The following KIAA1328 variants were observed in gnomAD, a reference collection of about 807,000 sequenced individuals.
The protein encoded by KIAA1328 is protein hinderin.
A neutral mutation model predicts 68.1 loss-of-function variants in KIAA1328; 52 were observed. That is an observed-to-expected ratio of 0.76 (90% confidence interval 0.61 to 0.96). The LOEUF (loss-of-function observed/expected upper bound fraction) is 0.96, where lower values mean the gene tolerates loss of function less well. Among genes scored for constraint, KIAA1328 ranks in the 40% least tolerant of loss-of-function variants. The pLI, the probability that KIAA1328 is intolerant of heterozygous loss-of-function variation, is 0.00. For missense variants in KIAA1328, 641 were observed against 677.6 expected (o/e 0.95, Z 0.60); for synonymous variants, 232 against 239.4 (o/e 0.97, Z 0.28).
chr18:36,929,328 T>C (rs973938672), intron 5 of KIAA1328, among the ~76,000 whole-genome samples: 8 of 152,216 alleles, frequency 5.3e-5, no homozygotes, highest in African/African-American at 1.9e-4. Flanking sequence ...AGGTCATATT[T>C]ATGCTCAGAA....
chr18:37,115,042 A>T (rs1331005370), intron 7 of KIAA1328, among the ~76,000 whole-genome samples: 5 of 152,222 alleles, frequency 3.3e-5, no homozygotes, highest in Non-Finnish European at 7.3e-5. Context: ...AACAAAAAAA[A>T]GTCCAGGACC....
intron 6 of KIAA1328, among the ~76,000 whole-genome samples, chr18:36,981,861 G>A (rs1412777070): frequency 6.6e-6 from 1 of 150,694 alleles, no homozygotes; most frequent in Admixed American, 6.6e-5. Flanking sequence ...CAGAAGTGCT[G>A]GGATTATAGG....
At chr18:37,215,995 T>C (rs1455480063) in intron 9 of KIAA1328, among the ~76,000 whole-genome samples, 1 of 152,206 alleles carries the variant, frequency 6.6e-6, no homozygotes, top group East Asian at 1.9e-4. Context: ...GGTGGTGATA[T>C]CCCCTTTATC....
intron 7 of KIAA1328, among the ~76,000 whole-genome samples, chr18:37,130,143 A>G (rs1467467036): frequency 6.6e-6 from 1 of 152,168 alleles, no homozygotes; most frequent in Non-Finnish European, 1.5e-5. Flanking sequence ...AATATATGGC[A>G]TTGTGAGTTT....
At chr18:37,227,569 G>A (rs2060646526), downstream of KIAA1328, among the ~76,000 whole-genome samples, 1 of 152,150 alleles carries the variant, frequency 6.6e-6, no homozygotes. Flanking sequence ...CTCTATAAAA[G>A]GAACAACAAA....
intron 4 of KIAA1328, among the ~76,000 whole-genome samples, chr18:36,859,321 A>G (rs1425930553): frequency 3.3e-5 from 5 of 149,938 alleles, no homozygotes; most frequent in African/African-American, 1.2e-4. Context: ...TTCTTATTTT[A>G]TTAAATTTAT....
At chr18:37,152,703 A>C (rs953712783) in intron 7 of KIAA1328, among the ~76,000 whole-genome samples, 4 of 152,186 alleles carry the variant, frequency 2.6e-5, no homozygotes, top group Admixed American at 6.5e-5. Flanking sequence ...TGGTGACAGA[A>C]TATTATTTTA....
At chr18:36,862,783 A>G (rs1168502739) in intron 4 of KIAA1328, among the ~76,000 whole-genome samples, 1 of 152,196 alleles carries the variant, frequency 6.6e-6, no homozygotes, top group Non-Finnish European at 1.5e-5. Context: ...TTACATTCCC[A>G]ACAGCAATGT....
chr18:37,122,363 A>G (rs915131865), intron 7 of KIAA1328, among the ~76,000 whole-genome samples: 2 of 152,078 alleles, frequency 1.3e-5, no homozygotes, highest in East Asian at 3.9e-4. Flanking sequence ...AGTAATGACA[A>G]CAGGACTTAA....
intron 5 of KIAA1328, among the ~76,000 whole-genome samples, chr18:36,888,896 T>G (rs1159769423): frequency 1.3e-5 from 2 of 152,210 alleles, no homozygotes. Flanking sequence ...TTAAAATCTG[T>G]TTCTGTGTGA....
At position 36,959,441 on chromosome 18, in the gene KIAA1328, C is replaced by A. The variant is rs771407049; in HGVS notation, c.576+6C>A. Reference sequence around the variant, plus strand: ...CTAGAATGCAGGAACAGCAGGTAAGCATCTTTAATTTTACTTTTCTTGTCT... The same window carrying A: ...CTAGAATGCAGGAACAGCAGGTAAGAATCTTTAATTTTACTTTTCTTGTCT... On this transcript the variant is annotated splice_donor_region_variant and intron_variant, in intron 6 of 9. Coordinates refer to ENST00000280020, the MANE Select transcript of KIAA1328 (RefSeq NM_020776.3). 1 of 1,604,548 alleles carries A rather than the reference C, an allele frequency of 6.2e-7. No individual in the cohort carries two copies. Among genetic ancestry groups the A allele is most frequent in the African/African-American group, 1.3e-5 (1 of 74,504 alleles).
At chr18:37,214,951 T>G (rs139267515) in intron 9 of KIAA1328, among the ~76,000 whole-genome samples, 3,701 of 152,232 alleles carry the variant, frequency 0.024, 133 homozygotes, top group African/African-American at 0.083. Flanking sequence ...GGCTCTCTGT[T>G]TGTCTGTTAT....
rs371799606 is a variant in KIAA1328 at position 37,066,859 on chromosome 18, A to G, written c.577-31A>G. On this transcript the variant is annotated intron_variant, in intron 6 of 9. Coordinates refer to ENST00000280020, the MANE Select transcript of KIAA1328 (RefSeq NM_020776.3). ...AAAGAACTTGTTTTGTTGTGTTCTT[A>G]TTTGACAGGTGATCTTGTGGTTCTT... 1.5e-4 allele frequency: 222 copies of G among 1,514,272 alleles called. 3 individuals carry two copies. The highest frequency in any genetic ancestry group is 1.4e-3 in the South Asian group (105 of 75,592). The allele number at this position is 1,514,272 out of a possible 1,614,324, so 93.8% of individuals were successfully genotyped here. A position where few individuals can be genotyped will look rare whatever the true frequency, so the allele number is the denominator to read the frequency against.
chr18:36,853,170 G>A (rs1002056819), intron 4 of KIAA1328, among the ~76,000 whole-genome samples: 1 of 151,960 alleles, frequency 6.6e-6, no homozygotes, highest in African/African-American at 2.4e-5. Context: ...TTCAACCTTT[G>A]TGTCTTTTGA....
At chr18:36,902,680 G>C (rs906594369) in intron 5 of KIAA1328, among the ~76,000 whole-genome samples, 2 of 151,864 alleles carry the variant, frequency 1.3e-5, no homozygotes, top group Non-Finnish European at 2.9e-5. Context: ...TTACCTGCTT[G>C]GTTATATTTA....
intron 6 of KIAA1328, among the ~76,000 whole-genome samples, chr18:36,994,940 C>CTATT (rs10573421): frequency 0.14 from 20,535 of 149,380 alleles, 1,501 homozygotes; most frequent in African/African-American, 0.18. Flanking sequence ...CATTCACCCA[C>CTATT]TATTTATTTA....
rs565527723 is a variant in KIAA1328, at chr18:37,045,994, T to G, written c.577-20896T>G. Reference sequence around the variant, plus strand: ...AAAAAGAATTGTGTTTAAGCAAACATGAAATTTGCATTGTGTTCAGATTTT... The same window carrying G: ...AAAAAGAATTGTGTTTAAGCAAACAGGAAATTTGCATTGTGTTCAGATTTT... On this transcript the variant is annotated intron_variant, in intron 6 of 9. Transcript: ENST00000280020. Among the ~76,000 whole-genome samples, 4 of 152,330 alleles carry G rather than the reference T, an allele frequency of 2.6e-5. No individual in the cohort carries two copies. The East Asian group carries it at 7.7e-4, about 29-fold the overall frequency.
chr18:37,109,588 A>T (rs1445661182), intron 7 of KIAA1328, among the ~76,000 whole-genome samples: 2 of 152,168 alleles, frequency 1.3e-5, no homozygotes, highest in Non-Finnish European at 2.9e-5. Context: ...ATGTGTATGA[A>T]AGTAGGGGTT....
rs11659810 is a variant in KIAA1328, at chr18:37,102,086, A to G, written c.1232+34541A>G. Reference sequence around the variant, plus strand: ...ATTACAGACCATTAATCTTGATAATATACATGTAAAAATTCTTAAGACAAT... The same window carrying G: ...ATTACAGACCATTAATCTTGATAATGTACATGTAAAAATTCTTAAGACAAT... On this transcript the variant is annotated intron_variant, in intron 7 of 9. Transcript: ENST00000280020. Among the ~76,000 whole-genome samples the G allele has an allele frequency of 4.6e-3, 694 of 152,372 alleles. 6 individuals carry two copies. The highest frequency in any genetic ancestry group is 0.031 in the Middle Eastern group (9 of 294).
Sources: gnomAD v4.1 joint callset for allele counts (sites outside exome capture counted in the v4.1 genomes callset) on GRCh38, gnomAD v4.1.1 for gene constraint, MANE v1.5 for transcripts, NCBI Gene and HGNC (gene_info 2026-07-23, HGNC 2026-07-21) for gene names.